Variants in LTF observed in about 807,000 individuals in gnomAD.
The protein encoded by LTF is epididymis luminal protein 110.
A neutral mutation model predicts 87.2 loss-of-function variants in LTF; 91 were observed. That is an observed-to-expected ratio of 1.04 (90% CI 0.88 to 1.24). The LOEUF (loss-of-function observed/expected upper bound fraction) is 1.24. Among genes scored for constraint, LTF ranks in the 50% most tolerant of loss-of-function variants. The pLI is 0.00. For missense variants in LTF, 901 were observed against 904.3 expected, an observed-to-expected ratio of 1.00 and a Z score of 0.05; for synonymous variants, 378 against 356.1, an observed-to-expected ratio of 1.06 and a Z score of -0.69.
At chr3:46,450,754 A>T in intron 6 of LTF, 81 bp from the exon 7 acceptor site, 1 of 1,252,298 alleles carries the variant, frequency 8.0e-7, no homozygotes, top group Non-Finnish European at 1.1e-6. Flanking sequence ...CCTTCTCCCT[A>T]TAGAATTTTG....
At chr3:46,463,979 G>A (rs1703150462) in intron 1 of LTF, among the ~76,000 whole-genome samples, 1 of 152,156 alleles carries the variant, frequency 6.6e-6, no homozygotes, top group African/African-American at 2.4e-5. Context: ...TAAGACAAGT[G>A]GAGGCTGCAC....
upstream of LTF, among the ~76,000 whole-genome samples, chr3:46,467,248 GA>G (rs1399570967): frequency 1.3e-5 from 2 of 150,884 alleles, no homozygotes; most frequent in East Asian, 3.9e-4. Context: ...ATTCATGCCA[GA>G]ACTGGTAGAT....
intron 1 of LTF, among the ~76,000 whole-genome samples, chr3:46,476,627 A>G (rs1703362076): frequency 6.6e-6 from 1 of 152,204 alleles, no homozygotes; most frequent in Non-Finnish European, 1.5e-5. Flanking sequence ...TAAAATTTGA[A>G]CACCTCGCTA....
intron 6 of LTF, among the ~76,000 whole-genome samples, chr3:46,453,784 G>A (rs1362843140): frequency 6.6e-6 from 1 of 152,196 alleles, no homozygotes; most frequent in African/African-American, 2.4e-5. Flanking sequence ...TCGTGTGGCT[G>A]CATGTGGTAG....
intron 6 of LTF, among the ~76,000 whole-genome samples, chr3:46,451,139 AGG>A (rs1253255367): frequency 3.3e-5 from 5 of 152,226 alleles, no homozygotes; most frequent in Non-Finnish European, 5.9e-5. Flanking sequence ...TATCAAAAGA[AGG>A]GGAAGAATGG....
intron 1 of LTF, among the ~76,000 whole-genome samples, chr3:46,477,633 C>A (rs1575329004): frequency 6.6e-6 from 1 of 152,172 alleles, no homozygotes; most frequent in Non-Finnish European, 1.5e-5. Flanking sequence ...AATGAAGTAA[C>A]TTATAAAGAT....
chr3:46,454,469 G>T, intron 5 of LTF, 109 bp from the exon 6 acceptor site: 1 of 983,420 alleles, frequency 1.0e-6, no homozygotes, highest in Non-Finnish European at 1.6e-6. Context: ...CTCCCTGCAG[G>T]GCAGGGCTCT....
In LTF at chr3:46,450,094, A is replaced by G. The variant is rs563097775; in HGVS notation, c.883-66T>C. The G allele has an allele frequency of 5.1e-4, 660 of 1,296,434 alleles. 3 individuals are homozygous for G. The highest frequency in any genetic ancestry group is 2.7e-3 in the African/African-American group (182 of 67,554). 80.3% of individuals were successfully genotyped at this position (1,296,434 alleles called of 1,614,324 possible). ...AGGGAGGAAACAAAAAAATGATGTT[A>G]AAAAAGAGTATCTGGAGCTTTGGGA... On this transcript the variant is annotated intron_variant, in intron 7 of 16. Coordinates refer to ENST00000231751, the MANE Select transcript of LTF (RefSeq NM_002343.6).
chr3:46,464,728 G>A lies in LTF; in HGVS notation c.43+97C>T, dbSNP rs576766885. 3.4e-5 allele frequency: 47 copies of A among 1,397,498 alleles called. No homozygotes were observed. In the Admixed American group the frequency reaches 7.6e-4, roughly 22 times the overall value. The allele number at this position is 1,397,498 out of a possible 1,614,324, so 86.6% of individuals were successfully genotyped here. On this transcript the variant is annotated intron_variant, in intron 1 of 16. Transcript: ENST00000231751. ...TGGGACCGCGGGGCGCAGAGACCCCGCGCCCAGCCAACCGGACACAGGGAC... is the reference window on the plus strand; with the variant it reads ...TGGGACCGCGGGGCGCAGAGACCCCACGCCCAGCCAACCGGACACAGGGAC...
intron 3 of LTF, 90 bp from the exon 4 acceptor site, chr3:46,456,068 G>A: frequency 8.1e-7 from 1 of 1,237,790 alleles, no homozygotes; most frequent in Non-Finnish European, 1.1e-6. Flanking sequence ...TGGGAAGGGG[G>A]AATGCTGTGC....
intron 6 of LTF, among the ~76,000 whole-genome samples, chr3:46,451,401 G>C (rs112404654): frequency 0.056 from 8,460 of 152,196 alleles, 789 homozygotes; most frequent in African/African-American, 0.19. Context: ...TGGAATGAAG[G>C]TTTACCAGTG....
At chr3:46,464,938 A>T (rs563525758), upstream of LTF, 1 of 1,525,482 alleles carries the variant, frequency 6.6e-7, no homozygotes, top group African/African-American at 1.4e-5. Context: ...CCCTTTATTC[A>T]GGGCTTTGCC....
chr3:46,484,293 A>G (rs1225633794), intron 1 of LTF, among the ~76,000 whole-genome samples: 1 of 152,214 alleles, frequency 6.6e-6, no homozygotes, highest in Non-Finnish European at 1.5e-5. Context: ...GAAAGAAAGA[A>G]CAAAGTTGTT....
intron 1 of LTF, among the ~76,000 whole-genome samples, chr3:46,482,595 G>GA (rs1575330739): frequency 2.6e-5 from 2 of 78,190 alleles, no homozygotes; most frequent in African/African-American, 3.9e-5. Flanking sequence ...GAGAAAGAGA[G>GA]AGAAAGAAAG....
intron 1 of LTF, among the ~76,000 whole-genome samples, chr3:46,481,197 C>T (rs1278807992): frequency 6.6e-6 from 1 of 152,210 alleles, no homozygotes; most frequent in Non-Finnish European, 1.5e-5. Flanking sequence ...CTGGATCACC[C>T]CTGAGCAAGT....
upstream of LTF, among the ~76,000 whole-genome samples, chr3:46,467,869 C>T (rs1288658010): frequency 1.3e-5 from 2 of 152,110 alleles, no homozygotes; most frequent in Non-Finnish European, 2.9e-5. Context: ...CTCCTCTATC[C>T]TGAGCTCCAC....
chr3:46,479,783 C>T (rs1703409056), intron 1 of LTF, among the ~76,000 whole-genome samples: 1 of 152,240 alleles, frequency 6.6e-6, no homozygotes, highest in Non-Finnish European at 1.5e-5. Context: ...CCACCTCAGC[C>T]TCCCAAAATG....
intron 13 of LTF, 97 bp from the exon 14 acceptor site, chr3:46,441,580 G>A: frequency 2.4e-6 from 2 of 849,832 alleles, no homozygotes; most frequent in Non-Finnish European, 3.9e-6. Flanking sequence ...CTGAAATATG[G>A]AAGTAAACAT....
At position 46,436,128 on chromosome 3, in the gene LTF, G is replaced by A. The variant is rs1413299757; in HGVS notation, c.*67C>T. On this transcript the variant is annotated 3_prime_UTR_variant, in exon 17 of 17. Transcript: ENST00000231751. ...GGGAGGCCAAGGCCCCAACACACCT[G>A]GGGAGAAGAGCTGGGGGCAGTGAAT... 3 of 1,517,822 alleles carry A rather than the reference G, an allele frequency of 2.0e-6. No homozygotes were observed. Among genetic ancestry groups the A allele is most frequent in the African/African-American group, 1.4e-5 (1 of 72,938 alleles). The allele number at this position is 1,517,822 out of a possible 1,614,324, so 94.0% of individuals were successfully genotyped here.
Sources: gnomAD v4.1 joint callset for allele counts (sites outside exome capture counted in the v4.1 genomes callset) on GRCh38, gnomAD v4.1.1 for gene constraint, MANE v1.5 for transcripts, NCBI Gene and HGNC (gene_info 2026-07-23, HGNC 2026-07-21) for gene names.